SBF2: variants seen among roughly 807,000 people sequenced by gnomAD.
The protein encoded by SBF2 is SET binding factor 2.
In SBF2, 112 loss-of-function variants were observed where a neutral mutation model predicts 225.2. The observed-to-expected ratio is 0.50, with a 90% CI of 0.43 to 0.58. The LOEUF (loss-of-function observed/expected upper bound fraction) is 0.58, where lower values mean the gene tolerates loss of function less well. SBF2 is among the 20% of genes least tolerant of loss of function. The pLI is 0.00. For missense variants in SBF2, 1,996 were observed against 2,206.2 expected, an observed-to-expected ratio of 0.90 and a Z score of 1.91; for synonymous variants, 763 against 773.3, an observed-to-expected ratio of 0.99 and a Z score of 0.22.
intron 2 of SBF2, among the ~76,000 whole-genome samples, chr11:10,134,092 G>A (rs192491160): frequency 3.9e-5 from 6 of 152,132 alleles, no homozygotes; most frequent in Admixed American, 3.9e-4. Flanking sequence ...CATGTGGCTG[G>A]GGAGGCCTCA....
intron 17 of SBF2, among the ~76,000 whole-genome samples, chr11:9,889,866 T>C (rs1206998865): frequency 1.3e-5 from 2 of 152,182 alleles, no homozygotes; most frequent in Non-Finnish European, 2.9e-5. Context: ...AGGTTTCTTT[T>C]TGGGGTGACA....
chr11:10,218,691 A>G (rs900982683), intron 1 of SBF2, among the ~76,000 whole-genome samples: 2 of 152,194 alleles, frequency 1.3e-5, no homozygotes, highest in Non-Finnish European at 2.9e-5. Context: ...ATCTAGATAC[A>G]ACGGAGGTAC....
intron 21 of SBF2, among the ~76,000 whole-genome samples, chr11:9,852,397 G>A (rs974775131): frequency 3.3e-5 from 5 of 152,142 alleles, no homozygotes; most frequent in Non-Finnish European, 5.9e-5. Context: ...GGGCTTAGAG[G>A]TTAGAAATGT....
intron 2 of SBF2, among the ~76,000 whole-genome samples, chr11:10,177,714 C>T (rs1369154609): frequency 2.0e-5 from 3 of 151,956 alleles, no homozygotes; most frequent in East Asian, 3.9e-4. Flanking sequence ...AATGGAAGAA[C>T]ATTCCATGCT....
chr11:10,260,180 A>G (rs1961284075), intron 1 of SBF2, among the ~76,000 whole-genome samples: 1 of 152,208 alleles, frequency 6.6e-6, no homozygotes, highest in African/African-American at 2.4e-5. Flanking sequence ...CCCAACCCAT[A>G]ATGTGTTAAT....
rs762095108 is a variant in SBF2, at chr11:9,858,254, T to C, written c.2072A>G (p.Asp691Gly). ...VRSLYLSAKE[D>G]NHAPHLKQKD... ...TTGCTTCAGATGCGGGGCATGATTG[T>C]CTTCCTTGGCTGAGAGATAAAGGGA... is the stretch of plus-strand genomic sequence containing the variant. The change falls in exon 18 of 40, where the codon GAC becomes GGC. Residue 691 changes from aspartate to glycine, a missense_variant. Coordinates refer to ENST00000256190, the MANE Select transcript of SBF2 (RefSeq NM_030962.4). 1 of 1,614,210 alleles carries C rather than the reference T, an allele frequency of 6.2e-7. No homozygotes were observed. Among genetic ancestry groups the C allele is most frequent in the Non-Finnish European group, 8.5e-7 (1 of 1,180,028 alleles).
At chr11:10,129,828 AC>A (rs777857451) in intron 2 of SBF2, among the ~76,000 whole-genome samples, 2 of 151,834 alleles carry the variant, frequency 1.3e-5, no homozygotes, top group Non-Finnish European at 2.9e-5. Flanking sequence ...ACATAGCGAG[AC>A]CCCCATCTCT....
Position 9,853,579 on chromosome 11 carries a change from T to C in SBF2, c.2497A>G (p.Thr833Ala). 6.2e-7 allele frequency: 1 copy of C among 1,614,034 alleles called. No homozygotes were observed. The highest frequency in any genetic ancestry group is 8.5e-7 in the Non-Finnish European group (1 of 1,179,950). ...IDKVCTESGV[T>A]QDHIKSLHCM... ...TGAAGGCTCTTGATGTGATCCTGAG[T>C]AACTCCACTCTCTGTACAAACTTTG... The change falls in exon 20 of 40, where the codon ACT (threonine) becomes GCT (alanine). Residue 833 changes from threonine (T) to alanine (A), a missense_variant. Coordinates refer to ENST00000256190, the MANE Select transcript of SBF2 (RefSeq NM_030962.4).
chr11:9,899,208 C>T (rs916482868), intron 16 of SBF2, among the ~76,000 whole-genome samples: 7 of 151,832 alleles, frequency 4.6e-5, no homozygotes, highest in Non-Finnish European at 8.8e-5. Context: ...AAAATAGTCA[C>T]TTGGGCTGGG....
chr11:10,010,011 A>G (rs1004412640), intron 6 of SBF2, among the ~76,000 whole-genome samples: 2 of 152,066 alleles, frequency 1.3e-5, no homozygotes, highest in Admixed American at 6.6e-5. Flanking sequence ...AGTGATGATG[A>G]GCTTTTTTTC....
intron 2 of SBF2, among the ~76,000 whole-genome samples, chr11:10,111,900 TAG>T (rs925335440): frequency 6.6e-6 from 1 of 152,106 alleles, no homozygotes; most frequent in African/African-American, 2.4e-5. Context: ...AAAATTAACT[TAG>T]AGTTCTGTTA....
intron 17 of SBF2, among the ~76,000 whole-genome samples, chr11:9,881,716 G>A (rs2134084973): frequency 6.6e-6 from 1 of 152,046 alleles, no homozygotes; most frequent in Non-Finnish European, 1.5e-5. Flanking sequence ...TGGCCAAGTA[G>A]AGTCTCTACA....
At chr11:10,077,759 A>C (rs551295974) in intron 2 of SBF2, among the ~76,000 whole-genome samples, 6 of 152,272 alleles carry the variant, frequency 3.9e-5, no homozygotes, top group African/African-American at 7.2e-5. Context: ...CACCAAAAGC[A>C]ATGGCAACAA....
chr11:10,227,682 T>C (rs1331032946), intron 1 of SBF2, among the ~76,000 whole-genome samples: 1 of 152,216 alleles, frequency 6.6e-6, no homozygotes, highest in Non-Finnish European at 1.5e-5. Flanking sequence ...TTGGTCTATA[T>C]ATCTGTTTTG....
At chr11:9,996,524 G>C (rs1947710361) in intron 9 of SBF2, among the ~76,000 whole-genome samples, 1 of 152,108 alleles carries the variant, frequency 6.6e-6, no homozygotes, top group African/African-American at 2.4e-5. Flanking sequence ...TGAGTAGCTG[G>C]GATTACAGGC....
intron 2 of SBF2, among the ~76,000 whole-genome samples, chr11:10,172,099 T>G (rs1464386650): frequency 6.6e-6 from 1 of 152,148 alleles, no homozygotes; most frequent in African/African-American, 2.4e-5. Context: ...TTTGTTTTGT[T>G]GATCTTTTGT....
intron 17 of SBF2, among the ~76,000 whole-genome samples, chr11:9,887,793 C>T (rs928871195): frequency 2.0e-5 from 3 of 151,818 alleles, no homozygotes; most frequent in Middle Eastern, 3.2e-3. Flanking sequence ...CCCTTCATCA[C>T]CCACTCCCTC....
intron 1 of SBF2, among the ~76,000 whole-genome samples, chr11:10,244,454 A>G (rs1161690026): frequency 6.6e-6 from 1 of 152,218 alleles, no homozygotes; most frequent in Non-Finnish European, 1.5e-5. Flanking sequence ...TAGGTACTCT[A>G]TTCTGCTCCA....
At chr11:10,201,146 T>C (rs1465157804) in intron 1 of SBF2, among the ~76,000 whole-genome samples, 1 of 152,208 alleles carries the variant, frequency 6.6e-6, no homozygotes, top group Non-Finnish European at 1.5e-5. Context: ...ATCAGACTTT[T>C]GGGTACATGT....
Sources: gnomAD v4.1 joint callset for allele counts (sites outside exome capture counted in the v4.1 genomes callset) on GRCh38, gnomAD v4.1.1 for gene constraint, MANE v1.5 for transcripts, NCBI Gene and HGNC (gene_info 2026-07-23, HGNC 2026-07-21) for gene names.